Variants in MYOM1 observed in about 807,000 individuals in gnomAD.
MYOM1 encodes myomesin 1.
MYOM1 carries 164 observed loss-of-function variants against 205.3 expected under a neutral mutation model. That is an observed-to-expected ratio of 0.80 (90% CI 0.70 to 0.91). The LOEUF (loss-of-function observed/expected upper bound fraction) is 0.91. MYOM1 is among the 40% of genes least tolerant of loss of function. The pLI is 0.00. For synonymous variants in MYOM1, 772 were observed against 789.4 expected (o/e 0.98, Z 0.37); for missense variants, 2,011 against 2,127.3 (o/e 0.95, Z 1.08).
intron 37 of MYOM1, among the ~76,000 whole-genome samples, chr18:3,069,929 T>C (rs2078940813): frequency 6.6e-6 from 1 of 152,230 alleles, no homozygotes; most frequent in Admixed American, 6.5e-5. Flanking sequence ...ACCCCTGCAG[T>C]GGCTGAGCTT....
intron 34 of MYOM1, among the ~76,000 whole-genome samples, chr18:3,076,709 A>T (rs1168259940): frequency 6.7e-6 from 1 of 148,222 alleles, no homozygotes; most frequent in Non-Finnish European, 1.5e-5. Context: ...TAAAGATTCA[A>T]GCAAAATGGC....
In MYOM1 at chr18:3,209,538, T is replaced by C. The variant is rs1319638459; in HGVS notation, c.290+5396A>G. ...ACTCCCTTCAATGGCCCACAGGCCC[T>C]CCATGATCAGTCCTGCCCAACCCAT... On this transcript the variant is annotated intron_variant, in intron 2 of 37. Transcript: ENST00000356443. The surrounding 1 kb of genome is among the most constrained non-coding windows in gnomAD (Gnocchi z 4.0). 6.6e-6 allele frequency among the ~76,000 whole-genome samples: 1 copy of C among 152,162 alleles called. No homozygotes were observed. Among genetic ancestry groups the C allele is most frequent in the Non-Finnish European group, 1.5e-5 (1 of 68,020 alleles).
At chr18:3,102,450 GA>G (rs1286550767) in intron 23 of MYOM1, 23 bp downstream of exon 23, 1 of 1,576,338 alleles carries the variant, frequency 6.3e-7, no homozygotes, top group East Asian at 2.3e-5. Flanking sequence ...GGAAACCCAT[GA>G]TTGTGATTGA....
chr18:3,242,905 C>G, the MYOM1 span, among the ~76,000 whole-genome samples: 2 of 152,122 alleles, frequency 1.3e-5, no homozygotes, highest in Admixed American at 6.5e-5. Context: ...TTGCTTTATT[C>G]ATATTCTCTG....
chr18:3,221,338 A>G (rs1198789119), upstream of MYOM1, among the ~76,000 whole-genome samples: 1 of 152,220 alleles, frequency 6.6e-6, no homozygotes, highest in African/African-American at 2.4e-5. Context: ...GATATTGAAC[A>G]GACTCAATAT....
chr18:3,129,651 G>C, intron 17 of MYOM1, 132 bp from the exon 18 acceptor site: 1 of 886,534 alleles, frequency 1.1e-6, no homozygotes, highest in Non-Finnish European at 1.6e-6. Flanking sequence ...AAAGAAAATC[G>C]CTCACATTTG....
chr18:3,179,088 TA>T lies in MYOM1; in HGVS notation c.930-2955del, dbSNP rs781249118. 3.4e-4 allele frequency among the ~76,000 whole-genome samples: 51 copies of T among 152,034 alleles called. No homozygotes were observed. The highest frequency in any genetic ancestry group is 5.1e-4 in the Non-Finnish European group (35 of 67,998). On this transcript the variant is annotated intron_variant, in intron 5 of 37. Coordinates refer to ENST00000356443, the MANE Select transcript of MYOM1 (RefSeq NM_003803.4). This position sits in a 1 kb window ranked among gnomAD's most constrained non-coding sequence, Gnocchi z 4.4. The stretch of plus-strand genomic sequence containing the variant: ...CTTGCTATGTTGCCTATGCTGGTCT[TA>T]AACTCCTGGGCTCAAGCAATCCTCC...
chr18:3,099,842 T>A (rs751868808), intron 25 of MYOM1, among the ~76,000 whole-genome samples: 3 of 152,198 alleles, frequency 2.0e-5, no homozygotes, highest in African/African-American at 7.2e-5. Flanking sequence ...AGAAAATATA[T>A]ATGTGATTCC....
chr18:3,121,142 G>T (rs113742726), intron 19 of MYOM1, among the ~76,000 whole-genome samples: 2 of 152,072 alleles, frequency 1.3e-5, no homozygotes, highest in Admixed American at 6.6e-5. Flanking sequence ...AAGATAGAAT[G>T]AGAACATCAA....
the MYOM1 span, among the ~76,000 whole-genome samples, chr18:3,238,832 G>T: frequency 1.3e-5 from 2 of 152,090 alleles, no homozygotes; most frequent in Non-Finnish European, 2.9e-5. Flanking sequence ...CCTGGCTCCT[G>T]ACCCCTTCTT....
At chr18:3,151,917 A>G in intron 11 of MYOM1, 24 bp from the exon 12 acceptor site, 1 of 1,599,802 alleles carries the variant, frequency 6.3e-7, no homozygotes, top group Non-Finnish European at 8.5e-7. Flanking sequence ...CGTGATTGAC[A>G]AAAATATTAA....
At chr18:3,100,697 C>A (rs1334805644) in intron 23 of MYOM1, among the ~76,000 whole-genome samples, 1 of 152,192 alleles carries the variant, frequency 6.6e-6, no homozygotes, top group East Asian at 1.9e-4. Flanking sequence ...CTTATCAGTG[C>A]ATATCCTGCA....
chr18:3,215,453 A>C (rs181654660), intron 1 of MYOM1, among the ~76,000 whole-genome samples: 290 of 151,968 alleles, frequency 1.9e-3, no homozygotes, highest in African/African-American at 6.4e-3. Flanking sequence ...AAAAAGAAAA[A>C]ATTAGCCGGG....
chr18:3,236,521 G>A, the MYOM1 span: 1 of 152,272 alleles, frequency 6.6e-6, no homozygotes, highest in Non-Finnish European at 1.5e-5. Flanking sequence ...GGGCAGGAAA[G>A]AAAAAGAGGT....
intron 2 of MYOM1, among the ~76,000 whole-genome samples, chr18:3,208,659 G>A (rs1267915194): frequency 3.9e-5 from 6 of 152,130 alleles, no homozygotes; most frequent in African/African-American, 1.4e-4. Context: ...TTTAAATACT[G>A]GAAGACAAAC....
chr18:3,173,573 CGTGTGTGTGTGT>C (rs71159051), intron 8 of MYOM1, among the ~76,000 whole-genome samples: 2,999 of 136,992 alleles, frequency 0.022, 93 homozygotes, highest in African/African-American at 0.072. Flanking sequence ...AGTCCAGACT[CGTGTGTGTGTGT>C]GTGTGTGTGT....
intron 21 of MYOM1, 80 bp downstream of exon 21, chr18:3,116,251 C>T: frequency 7.1e-7 from 1 of 1,415,552 alleles, no homozygotes; most frequent in Non-Finnish European, 9.7e-7. Flanking sequence ...CGGAGATATT[C>T]TGTTTTATCT....
intron 18 of MYOM1, among the ~76,000 whole-genome samples, chr18:3,127,301 ATATATTTTT>A (rs1221914407): frequency 4.2e-5 from 2 of 47,910 alleles, no homozygotes; most frequent in Admixed American, 2.1e-4. Flanking sequence ...ATATATATAT[ATATATTTTT>A]TTTTTTTTTT....
intron 10 of MYOM1, 24 bp from the exon 11 acceptor site, chr18:3,155,112 A>G (rs145788015): frequency 7.5e-6 from 12 of 1,594,814 alleles, no homozygotes; most frequent in Middle Eastern, 1.7e-4. Context: ...GAAGGATCCC[A>G]TTAACCCTCT....
Sources: gnomAD v4.1 joint callset for allele counts (sites outside exome capture counted in the v4.1 genomes callset) on GRCh38, gnomAD v4.1.1 for gene constraint, Gnocchi (gnomAD v3.1) non-coding constraint, MANE v1.5 for transcripts, NCBI Gene and HGNC (gene_info 2026-07-23, HGNC 2026-07-21) for gene names.